TXLNB: variants seen among roughly 807,000 people sequenced by gnomAD.
TXLNB encodes beta-taxilin.
TXLNB carries 37 observed loss-of-function variants against 57.4 expected under a neutral mutation model. The observed-to-expected ratio is 0.64, with a 90% CI of 0.50 to 0.85. The LOEUF (loss-of-function observed/expected upper bound fraction) is 0.85. Ranked by LOEUF, TXLNB falls within the 40% of genes least tolerant of loss-of-function variation. The pLI is 0.00. For synonymous variants in TXLNB, 302 were observed against 309.6 expected (o/e 0.98, Z 0.26); for missense variants, 848 against 825.6 (o/e 1.03, Z -0.33).
At chr6:139,265,131 A>G (rs1023183928) in intron 4 of TXLNB, among the ~76,000 whole-genome samples, 2 of 152,222 alleles carry the variant, frequency 1.3e-5, no homozygotes, top group Non-Finnish European at 2.9e-5. Flanking sequence ...TGTTTATTTA[A>G]TGAATCAGTG....
At chr6:139,268,186 C>T (rs1406742646) in intron 4 of TXLNB, among the ~76,000 whole-genome samples, 1 of 145,814 alleles carries the variant, frequency 6.9e-6, no homozygotes, top group Non-Finnish European at 1.5e-5. Context: ...TACTAAGGGA[C>T]ATTTCATAAA....
the TXLNB span, among the ~76,000 whole-genome samples, chr6:139,200,331 C>CT: frequency 6.6e-6 from 1 of 152,000 alleles, no homozygotes; most frequent in African/African-American, 2.4e-5. Context: ...ACGATCTAGG[C>CT]TATATATTTT....
the TXLNB span, chr6:139,176,839 T>C: frequency 1.4e-6 from 1 of 711,106 alleles, no homozygotes; most frequent in Non-Finnish European, 2.5e-6. This position sits in a 1 kb window ranked among gnomAD's most constrained non-coding sequence, Gnocchi z 4.5. Context: ...AGGGATGCTT[T>C]GCAAAGCCCT....
At chr6:139,178,350 T>A in the TXLNB span, 1 of 152,170 alleles carries the variant, frequency 6.6e-6, no homozygotes, top group Non-Finnish European at 1.5e-5. Context: ...TCGCATACCC[T>A]TATAGAATTG....
chr6:139,187,067 T>C, the TXLNB span, among the ~76,000 whole-genome samples: 1 of 152,206 alleles, frequency 6.6e-6, no homozygotes, highest in Non-Finnish European at 1.5e-5. Flanking sequence ...TAGACATCTG[T>C]CAAACTTATT....
chr6:139,281,926 A>T (rs1275816535), intron 2 of TXLNB, among the ~76,000 whole-genome samples: 1 of 150,230 alleles, frequency 6.7e-6, no homozygotes, highest in Non-Finnish European at 1.5e-5. Context: ...TAGAAAAAAC[A>T]GTAAAATATT....
the TXLNB span, among the ~76,000 whole-genome samples, chr6:139,190,569 A>C: frequency 6.6e-6 from 1 of 152,050 alleles, no homozygotes; most frequent in Non-Finnish European, 1.5e-5. Flanking sequence ...TCGGCCTCCC[A>C]AAGTGCTGGG....
At chr6:139,193,835 TA>T in the TXLNB span, among the ~76,000 whole-genome samples, 14 of 55,300 alleles carry the variant, frequency 2.5e-4, no homozygotes, top group African/African-American at 9.3e-4. Flanking sequence ...TATATATATA[TA>T]TATATTTTTT....
the TXLNB span, among the ~76,000 whole-genome samples, chr6:139,319,324 T>A: frequency 6.7e-6 from 1 of 150,230 alleles, no homozygotes; most frequent in East Asian, 2.0e-4. Flanking sequence ...GGTCTCAAAG[T>A]CCTGAGCTCA....
downstream of TXLNB, chr6:139,237,357 A>C (rs1775846760): frequency 6.6e-6 from 1 of 151,850 alleles, no homozygotes; most frequent in African/African-American, 2.4e-5. Flanking sequence ...AAATATCTTT[A>C]TTTTGGGTGT....
At chr6:139,297,767 T>C in the TXLNB span, among the ~76,000 whole-genome samples, 1 of 152,202 alleles carries the variant, frequency 6.6e-6, no homozygotes, top group African/African-American at 2.4e-5. Context: ...ATAAAGCCTG[T>C]GAATGGGAAT....
chr6:139,273,320 C>T (rs948345566), intron 3 of TXLNB, among the ~76,000 whole-genome samples: 2 of 152,194 alleles, frequency 1.3e-5, no homozygotes, highest in South Asian at 4.1e-4. Flanking sequence ...GCCTGGTGAA[C>T]AAAACTGTCC....
chr6:139,292,107 C>CACACACAAA (rs1777316604), upstream of TXLNB: 1 of 153,832 alleles, frequency 6.5e-6, no homozygotes, highest in African/African-American at 2.4e-5. The surrounding 1 kb of genome is among the most constrained non-coding windows in gnomAD (Gnocchi z 4.0). Context: ...CACACACACA[C>CACACACAAA]ACGCCACAGG....
At chr6:139,307,401 C>G in the TXLNB span, among the ~76,000 whole-genome samples, 2 of 152,148 alleles carry the variant, frequency 1.3e-5, no homozygotes, top group Non-Finnish European at 2.9e-5. Context: ...GTTGCTCACT[C>G]TGGTCTCCAA....
At chr6:139,287,305 A>C (rs1441638149) in intron 2 of TXLNB, 1 of 152,278 alleles carries the variant, frequency 6.6e-6, no homozygotes, top group East Asian at 1.9e-4. Flanking sequence ...TCTTTCTGAG[A>C]AAGTGGATTT....
rs181157244 is a variant in TXLNB, at chr6:139,267,801, T to C, written c.687+2655A>G. 4.6e-5 allele frequency among the ~76,000 whole-genome samples: 7 copies of C among 152,118 alleles called. No homozygotes were observed. The East Asian group carries it at 7.7e-4, about 17-fold the overall frequency. Reference sequence around the variant, plus strand: ...GAAAAGAGATACACCAGGCAAACAATAAGAGTAAGAAAACTAGAGTGGCTA... The same window carrying C: ...GAAAAGAGATACACCAGGCAAACAACAAGAGTAAGAAAACTAGAGTGGCTA... On this transcript the variant is annotated intron_variant, in intron 4 of 9. Coordinates refer to ENST00000358430, the MANE Select transcript of TXLNB (RefSeq NM_153235.4).
chr6:139,200,970 A>G, the TXLNB span, among the ~76,000 whole-genome samples: 1 of 152,058 alleles, frequency 6.6e-6, no homozygotes. Context: ...CTACAGTCTC[A>G]TGCTCTTTTA....
At chr6:139,322,395 A>G in the TXLNB span, among the ~76,000 whole-genome samples, 1 of 152,076 alleles carries the variant, frequency 6.6e-6, no homozygotes, top group African/African-American at 2.4e-5. Flanking sequence ...AAGAGAGTGA[A>G]CCCACTCCTG....
chr6:139,249,699 A>G (rs944071206), intron 7 of TXLNB, among the ~76,000 whole-genome samples: 1 of 152,176 alleles, frequency 6.6e-6, no homozygotes, highest in Non-Finnish European at 1.5e-5. Flanking sequence ...GTTTTCCCCA[A>G]TAATTTGGAG....
Sources: allele counts gnomAD v4.1 joint callset (sites outside exome capture counted in the v4.1 genomes callset), GRCh38; gene constraint gnomAD v4.1.1; non-coding constraint Gnocchi (gnomAD v3.1); transcripts MANE v1.5; gene names NCBI Gene and HGNC (gene_info 2026-07-23, HGNC 2026-07-21).